The following SH3RF3 variants were observed in gnomAD, a reference collection of about 807,000 sequenced individuals.
The protein encoded by SH3RF3 is SH3 domain containing ring finger 3.
SH3RF3 carries 29 observed loss-of-function variants against 66.3 expected under a neutral mutation model. The ratio of observed to expected loss-of-function variants is 0.44; its 90% CI spans 0.33 to 0.60. The LOEUF (loss-of-function observed/expected upper bound fraction) is 0.60, where lower values mean the gene tolerates loss of function less well. SH3RF3 is among the 20% of genes least tolerant of loss of function. SH3RF3 has a pLI of 0.04. For missense variants in SH3RF3, 1,194 were observed against 1,190.9 expected (o/e 1.00, Z -0.04); for synonymous variants, 583 against 532.0 (o/e 1.10, Z -1.32).
At chr2:109,432,203 T>A (rs1220429846) in intron 5 of SH3RF3, among the ~76,000 whole-genome samples, 1 of 152,106 alleles carries the variant, frequency 6.6e-6, no homozygotes, top group African/African-American at 2.4e-5. Flanking sequence ...TCACTGGGCC[T>A]TAGGGAGCTG....
At chr2:109,206,738 C>T (rs952135810) in intron 1 of SH3RF3, among the ~76,000 whole-genome samples, 11 of 152,074 alleles carry the variant, frequency 7.2e-5, no homozygotes, top group Admixed American at 2.6e-4. Flanking sequence ...ATTGCTTAAG[C>T]CCAGGAGTTC....
intron 1 of SH3RF3, among the ~76,000 whole-genome samples, chr2:109,184,774 T>C (rs902552156): frequency 6.6e-6 from 1 of 152,170 alleles, no homozygotes; most frequent in Admixed American, 6.5e-5. Flanking sequence ...GTTTGCAGAG[T>C]TCAGGGAGTT....
chr2:109,204,027 T>C (rs1414237464), intron 1 of SH3RF3, among the ~76,000 whole-genome samples: 1 of 152,162 alleles, frequency 6.6e-6, no homozygotes, highest in Non-Finnish European at 1.5e-5. Context: ...GTAGTTTATA[T>C]CTTTGAGACG....
At chr2:109,352,356 A>T (rs1228881114) in intron 2 of SH3RF3, among the ~76,000 whole-genome samples, 1 of 152,158 alleles carries the variant, frequency 6.6e-6, no homozygotes, top group Non-Finnish European at 1.5e-5. Context: ...CTGGTCTGCT[A>T]TGCTTTTACT....
rs568459256 is a variant in SH3RF3 at position 109,377,025 on chromosome 2, G to A, written c.945+5344G>A. Among the ~76,000 whole-genome samples, 9 of 152,366 alleles carry A rather than the reference G, an allele frequency of 5.9e-5. No homozygotes were observed. In the South Asian group the frequency reaches 6.2e-4, roughly 11 times the overall value. On this transcript the variant is annotated intron_variant, in intron 3 of 9. Transcript: ENST00000309415. ...TCTGCTTAGGAAGGAACAGAGAGCC[G>A]CTCAGAGTCCGGGCTATTTTGCTGC...
intron 8 of SH3RF3, among the ~76,000 whole-genome samples, chr2:109,474,670 C>T (rs551446755): frequency 1.2e-4 from 19 of 152,348 alleles, no homozygotes; most frequent in South Asian, 1.2e-3. Context: ...TGGACAGCAT[C>T]GGGCCAGCCC....
intron 1 of SH3RF3, among the ~76,000 whole-genome samples, chr2:109,265,964 G>C (rs1192748070): frequency 6.6e-6 from 1 of 152,164 alleles, no homozygotes; most frequent in African/African-American, 2.4e-5. Context: ...AGAAATCCTT[G>C]GGAGCCCAGA....
intron 4 of SH3RF3, among the ~76,000 whole-genome samples, chr2:109,400,548 C>T (rs535402941): frequency 4.6e-5 from 7 of 150,592 alleles, no homozygotes; most frequent in South Asian, 2.1e-4. Context: ...TGCACACACA[C>T]GTACGTATAC....
chr2:109,492,354 C>T (rs1679151234), intron 9 of SH3RF3, among the ~76,000 whole-genome samples: 1 of 152,174 alleles, frequency 6.6e-6, no homozygotes, highest in African/African-American at 2.4e-5. Flanking sequence ...GCCTGGGGCT[C>T]CAGAGTGGAC....
At chr2:109,246,549 A>G (rs558459441) in intron 1 of SH3RF3, among the ~76,000 whole-genome samples, 16 of 152,326 alleles carry the variant, frequency 1.1e-4, no homozygotes, top group Admixed American at 7.8e-4. Flanking sequence ...AAGGAATATC[A>G]TGCCTAACAG....
intron 7 of SH3RF3, 55 bp from the exon 8 acceptor site, chr2:109,449,109 GCAGGCA>G: frequency 6.5e-7 from 1 of 1,548,242 alleles, no homozygotes. Context: ...CAGCTGCCTG[GCAGGCA>G]TGGCAAGTTG....
chr2:109,163,066 AG>A (rs1367487655), intron 1 of SH3RF3, among the ~76,000 whole-genome samples: 5 of 152,242 alleles, frequency 3.3e-5, no homozygotes, highest in African/African-American at 7.2e-5. Flanking sequence ...CCCGCCAAAT[AG>A]GAGGCTGAAG....
chr2:109,277,684 C>T (rs1185852927), intron 1 of SH3RF3, among the ~76,000 whole-genome samples: 6 of 152,192 alleles, frequency 3.9e-5, no homozygotes, highest in Non-Finnish European at 8.8e-5. Context: ...CAGGGTGCCT[C>T]CCATTCATGA....
chr2:109,189,288 C>T (rs1678278906), intron 1 of SH3RF3, among the ~76,000 whole-genome samples: 1 of 151,608 alleles, frequency 6.6e-6, no homozygotes, highest in Admixed American at 6.6e-5. Context: ...CCTTGGCATT[C>T]TGATTGTCAG....
intron 1 of SH3RF3, among the ~76,000 whole-genome samples, chr2:109,140,672 T>C (rs1012664293): frequency 9.2e-5 from 14 of 152,202 alleles, no homozygotes; most frequent in African/African-American, 3.1e-4. Context: ...TGAGCCACCA[T>C]GCCCGGCCAA....
intron 5 of SH3RF3, among the ~76,000 whole-genome samples, chr2:109,427,388 C>G (rs999278216): frequency 6.6e-6 from 1 of 152,138 alleles, no homozygotes; most frequent in Non-Finnish European, 1.5e-5. Flanking sequence ...ACCAAAAATT[C>G]GGGTGACAGT....
intron 3 of SH3RF3, among the ~76,000 whole-genome samples, chr2:109,384,694 C>G (rs1675778440): frequency 2.6e-5 from 4 of 152,150 alleles, no homozygotes; most frequent in Admixed American, 2.6e-4. Context: ...TAAGCCCACC[C>G]CCGCTTTGCT....
chr2:109,191,662 C>T (rs896333679), intron 1 of SH3RF3, among the ~76,000 whole-genome samples: 3 of 152,142 alleles, frequency 2.0e-5, no homozygotes, highest in East Asian at 1.9e-4. Context: ...GCCACTTGCC[C>T]ATGGCAGTAT....
chr2:109,377,810 C>T (rs1054196249), intron 3 of SH3RF3, among the ~76,000 whole-genome samples: 1 of 152,136 alleles, frequency 6.6e-6, no homozygotes, highest in Non-Finnish European at 1.5e-5. Flanking sequence ...CCTGTAGCAC[C>T]GGTGCCTCCT....
Sources: allele counts gnomAD v4.1 joint callset (sites outside exome capture counted in the v4.1 genomes callset), GRCh38; gene constraint gnomAD v4.1.1; transcripts MANE v1.5; gene names NCBI Gene and HGNC (gene_info 2026-07-23, HGNC 2026-07-21).